The following TNNT3 variants were observed in gnomAD, a reference collection of about 807,000 sequenced individuals.
TNNT3 encodes troponin T3, fast skeletal type.
Under a neutral mutation model 54.2 loss-of-function variants are expected in TNNT3, and 36 were observed. That is an observed-to-expected ratio of 0.66 (90% CI 0.51 to 0.88). The LOEUF is 0.88. Among genes scored for constraint, TNNT3 ranks in the 40% least tolerant of loss-of-function variants. The pLI, the probability that TNNT3 is intolerant of heterozygous loss-of-function variation, is 0.00. For synonymous variants in TNNT3, 120 were observed against 109.7 expected (o/e 1.09, Z -0.59); for missense variants, 291 against 331.6 (o/e 0.88, Z 0.95).
intron 8 of TNNT3, among the ~76,000 whole-genome samples, chr11:1,931,936 G>A (rs1326941871): frequency 1.3e-5 from 2 of 152,162 alleles, no homozygotes; most frequent in Non-Finnish European, 2.9e-5. Flanking sequence ...TTGGTGAGAG[G>A]AGGGGACTGC....
At chr11:1,926,578 C>A in intron 5 of TNNT3, 117 bp from the exon 6 acceptor site, 5 of 1,607,616 alleles carry the variant, frequency 3.1e-6, no homozygotes, top group South Asian at 1.1e-5. Flanking sequence ...CCCTGCACAG[C>A]CTGGCCTGCT....
intron 8 of TNNT3, among the ~76,000 whole-genome samples, chr11:1,931,435 C>T (rs920152653): frequency 1.8e-4 from 27 of 152,204 alleles, no homozygotes; most frequent in Non-Finnish European, 7.3e-5. Context: ...CCCTCCTCAC[C>T]CAGGGACAGG....
intron 1 of TNNT3, 106 bp from the exon 2 acceptor site, chr11:1,922,751 C>A: frequency 8.8e-7 from 1 of 1,141,170 alleles, no homozygotes; most frequent in Non-Finnish European, 1.3e-6. Flanking sequence ...TGCCCGCGGT[C>A]CCCCACAGCG....
chr11:1,928,629 G>C (rs546450871), intron 6 of TNNT3, among the ~76,000 whole-genome samples: 5 of 152,164 alleles, frequency 3.3e-5, no homozygotes, highest in African/African-American at 4.8e-5. Flanking sequence ...CCTGAGGGCT[G>C]TAGTCATTCC....
chr11:1,926,911 G>C (rs1589921879), intron 6 of TNNT3, among the ~76,000 whole-genome samples: 2 of 152,334 alleles, frequency 1.3e-5, no homozygotes, highest in African/African-American at 4.8e-5. Context: ...TGTCTCCCAG[G>C]CAGAGAGGAT....
intron 14 of TNNT3, 152 bp from the exon 15 acceptor site, chr11:1,936,811 G>C (rs1265073852): frequency 2.7e-5 from 21 of 777,380 alleles, no homozygotes; most frequent in Non-Finnish European, 4.6e-5. Flanking sequence ...CAAGGAGCCA[G>C]GAGACAGTAA....
chr11:1,933,056 C>G (rs1281079883), intron 9 of TNNT3, among the ~76,000 whole-genome samples: 1 of 151,198 alleles, frequency 6.6e-6, no homozygotes, highest in Non-Finnish European at 1.5e-5. Context: ...CATTCATCTA[C>G]TCATCCATCC....
chr11:1,925,324 G>A (rs1394522964), intron 5 of TNNT3: 2 of 1,557,100 alleles, frequency 1.3e-6, no homozygotes, highest in East Asian at 2.3e-5. Flanking sequence ...CCGGGGCCTG[G>A]CTGGAGCCCA....
At chr11:1,929,234 GCCT>G in intron 7 of TNNT3, 91 bp downstream of exon 7, 3 of 1,442,426 alleles carry the variant, frequency 2.1e-6, no homozygotes, top group Non-Finnish European at 2.9e-6. Context: ...TCGCTGCCCT[GCCT>G]CCTCCTCCCT....
At chr11:1,929,192 G>A (rs371352141) in intron 7 of TNNT3, 49 bp downstream of exon 7, 272 of 1,604,608 alleles carry the variant, frequency 1.7e-4, no homozygotes, top group Non-Finnish European at 2.2e-4. Context: ...GGCTCTAGCC[G>A]ACGCGAGGGA....
Position 1,934,598 on chromosome 11 carries a change from T to C in TNNT3, c.533T>C (p.Ile178Thr), listed in dbSNP as rs550500142. The stretch of plus-strand genomic sequence containing the variant: ...ACAGCCCGGGAAATGAAGAAGAAGA[T>C]TCTGGCTGAGAGACGCAAGCCGCTC... ...KQTAREMKKKILAERRKPLNI... is the reference protein window; with the variant it reads ...KQTAREMKKKTLAERRKPLNI... Residue 178 changes from isoleucine (I) to threonine (T), a missense_variant, in exon 13 of 16, where the codon ATT (isoleucine) becomes ACT (threonine). Transcript: ENST00000278317. 110 of 1,609,888 alleles carry C rather than the reference T, an allele frequency of 6.8e-5. No individual in the cohort carries two copies. The highest frequency in any genetic ancestry group is 9.0e-5 in the Non-Finnish European group (106 of 1,178,644).
At chr11:1,934,954 C>T (rs376972469) in intron 14 of TNNT3, 35 bp downstream of exon 14, 67 of 1,593,720 alleles carry the variant, frequency 4.2e-5, no homozygotes, top group Middle Eastern at 1.7e-4. Flanking sequence ...GGGGCCCTAG[C>T]GGCTTTCACC....
intron 8 of TNNT3, 48 bp downstream of exon 8, chr11:1,929,876 G>C: frequency 1.3e-6 from 2 of 1,506,088 alleles, no homozygotes; most frequent in Admixed American, 2.0e-5. Flanking sequence ...GTTCTGGGGT[G>C]GGGGTGGTCA....
chr11:1,929,770 G>T (rs545491880), intron 7 of TNNT3, 40 bp from the exon 8 acceptor site: 1 of 1,551,700 alleles, frequency 6.4e-7, no homozygotes, highest in Non-Finnish European at 8.7e-7. Context: ...CTCTCCCCAC[G>T]CTGGTGTCCC....
chr11:1,936,048 T>G (rs565508467), intron 14 of TNNT3, among the ~76,000 whole-genome samples: 1 of 152,136 alleles, frequency 6.6e-6, no homozygotes, highest in African/African-American at 2.4e-5. Flanking sequence ...CCATGCTGTG[T>G]TCCCAGAGCT....
chr11:1,931,274 A>T (rs1853268131), intron 8 of TNNT3, among the ~76,000 whole-genome samples: 1 of 152,178 alleles, frequency 6.6e-6, no homozygotes, highest in African/African-American at 2.4e-5. Context: ...CTTTAGGGTT[A>T]TTTCCGTAGG....
At chr11:1,926,839 T>G in intron 6 of TNNT3, 130 bp downstream of exon 6, 1 of 1,255,598 alleles carries the variant, frequency 8.0e-7, no homozygotes, top group Non-Finnish European at 1.1e-6. Context: ...GCCTCTGGGC[T>G]GGGGACAGAG....
chr11:1,924,078 CTG>C (rs1227501344), intron 4 of TNNT3, among the ~76,000 whole-genome samples: 1 of 152,148 alleles, frequency 6.6e-6, no homozygotes, highest in Non-Finnish European at 1.5e-5. Context: ...CAGCTTCTCT[CTG>C]TCTCTGTATC....
rs770274220 is a variant in TNNT3 at position 1,938,513 on chromosome 11, G to A, written c.*21G>A. On this transcript the variant is annotated 3_prime_UTR_variant, in exon 16 of 16. Transcript: ENST00000278317. The stretch of plus-strand genomic sequence containing the variant: ...AGTAGAGAGGCCAGAAAGGCCCCTC[G>A]AGGCAGAGACCCTCCGCCCTCTTGC... 3.7e-6 allele frequency: 6 copies of A among 1,612,384 alleles called. No homozygotes were observed. The highest frequency in any genetic ancestry group is 2.7e-5 in the African/African-American group (2 of 74,898).
Sources: gnomAD v4.1 joint callset for allele counts (sites outside exome capture counted in the v4.1 genomes callset) on GRCh38, gnomAD v4.1.1 for gene constraint, MANE v1.5 for transcripts, NCBI Gene and HGNC (gene_info 2026-07-23, HGNC 2026-07-21) for gene names.